ACBD5: variants seen among roughly 807,000 people sequenced by gnomAD.
The protein encoded by ACBD5 is acyl-CoA-binding domain-containing protein 5.
ACBD5 carries 40 observed loss-of-function variants against 71.8 expected under a neutral mutation model. The ratio of observed to expected loss-of-function variants is 0.56; its 90% CI spans 0.43 to 0.72. The LOEUF is 0.72. Among genes scored for constraint, ACBD5 ranks in the 30% least tolerant of loss-of-function variants. The pLI is 0.00. For synonymous variants in ACBD5, 229 were observed against 218.6 expected (o/e 1.05, Z -0.42); for missense variants, 559 against 644.5 (o/e 0.87, Z 1.44).
chr10:27,216,287 ACAC>A (rs1013977634), intron 7 of ACBD5, among the ~76,000 whole-genome samples: 1 of 151,934 alleles, frequency 6.6e-6, no homozygotes, highest in African/African-American at 2.4e-5. Flanking sequence ...TTACAGGTGC[ACAC>A]CACCAAGCCC....
At position 27,240,605 on chromosome 10, in the gene ACBD5, T is replaced by C. The variant is rs1455806087; in HGVS notation, c.15+69A>G. 16 of 1,550,444 alleles carry C rather than the reference T, an allele frequency of 1.0e-5. No individual in the cohort carries two copies. The Admixed American group carries it at 3.1e-4, about 30-fold the overall frequency. ...GCCACACAGATCGAAGCGGCCCGGC[T>C]CCTTCCTCCTCCCCCGGGGCGTGAC... On this transcript the variant is annotated intron_variant, in intron 1 of 12. Coordinates refer to ENST00000396271, the MANE Select transcript of ACBD5 (RefSeq NM_145698.5). This position sits in a 1 kb window ranked among gnomAD's most constrained non-coding sequence, Gnocchi z 4.1.
intron 12 of ACBD5, among the ~76,000 whole-genome samples, chr10:27,200,894 CA>C (rs1405561194): frequency 1.3e-5 from 2 of 152,072 alleles, no homozygotes; most frequent in Non-Finnish European, 2.9e-5. Context: ...TAATTTAGGC[CA>C]GGCATGGTGG....
chr10:27,192,702 T>G (rs1205954288), downstream of ACBD5, among the ~76,000 whole-genome samples: 10 of 152,194 alleles, frequency 6.6e-5, no homozygotes, highest in Admixed American at 6.5e-4. Flanking sequence ...CTTGGCACAG[T>G]GGCTCACAGC....
Position 27,197,064 on chromosome 10 carries a change from CATT to C in ACBD5, c.*363_*365del. The C allele has an allele frequency of 2.2e-6, 1 of 457,050 alleles. No individual in the cohort carries two copies. Among genetic ancestry groups the C allele is most frequent in the Non-Finnish European group, 4.3e-6 (1 of 233,332 alleles). 28.3% of individuals were successfully genotyped at this position (457,050 alleles called of 1,614,324 possible). On this transcript the variant is annotated 3_prime_UTR_variant, in exon 13 of 13. Coordinates refer to ENST00000396271, the MANE Select transcript of ACBD5 (RefSeq NM_145698.5). ...AAATAATAACTTATAAATTTGATCT[CATT>C]ATCACAATGGTACCTTTGAAAAGCA...
intron 10 of ACBD5, among the ~76,000 whole-genome samples, chr10:27,206,840 C>T (rs965755508): frequency 7.9e-5 from 12 of 151,726 alleles, no homozygotes; most frequent in African/African-American, 2.7e-4. Context: ...TAAACTCTTT[C>T]CTTATACACC....
intron 3 of ACBD5, among the ~76,000 whole-genome samples, chr10:27,232,473 C>CAT (rs1247867481): frequency 6.6e-6 from 1 of 151,840 alleles, no homozygotes; most frequent in African/African-American, 2.4e-5. Flanking sequence ...GGATTACAGG[C>CAT]ATGCACCCCC....
downstream of ACBD5, among the ~76,000 whole-genome samples, chr10:27,193,114 CGTGTGTGTGTGTGTGTGT>C (rs58983291): frequency 0.014 from 1,153 of 80,290 alleles, 19 homozygotes; most frequent in African/African-American, 0.042. Context: ...TTCCTTCCTT[CGTGTGTGTGTGTGTGTGT>C]GTGTGTGTGT....
At chr10:27,223,253 G>T in intron 5 of ACBD5, 85 bp downstream of exon 5, 1 of 1,033,860 alleles carries the variant, frequency 9.7e-7, no homozygotes, top group Non-Finnish European at 1.5e-6. Flanking sequence ...GCGCGTGAAA[G>T]TAAGAAAAAA....
At chr10:27,213,501 A>T (rs1775349) in intron 8 of ACBD5, among the ~76,000 whole-genome samples, 145,289 of 152,256 alleles carry the variant, frequency 0.95, 69,380 homozygotes, top group East Asian at 1. Flanking sequence ...CTCACGCCTG[A>T]AATCCCAGCA....
chr10:27,240,877 G>A, upstream of ACBD5: 6 of 845,106 alleles, frequency 7.1e-6, no homozygotes, highest in Non-Finnish European at 1.1e-5. The surrounding 1 kb of genome is among the most constrained non-coding windows in gnomAD (Gnocchi z 4.1). Flanking sequence ...CAGCAGCAGT[G>A]CAGCAAACCC....
intron 5 of ACBD5, among the ~76,000 whole-genome samples, chr10:27,221,368 T>C (rs974241681): frequency 1.4e-4 from 21 of 152,330 alleles, no homozygotes; most frequent in African/African-American, 5.1e-4. Flanking sequence ...CCCAGATTTT[T>C]AGTTCATATC....
At chr10:27,184,766 G>A (rs1177006505) in intron 13 of ACBD5, among the ~76,000 whole-genome samples, 3 of 151,774 alleles carry the variant, frequency 2.0e-5, no homozygotes, top group Non-Finnish European at 4.4e-5. Context: ...TCACCATGTT[G>A]GCCAGGCTGG....
At chr10:27,231,892 T>C in intron 3 of ACBD5, 72 bp from the exon 4 acceptor site, 2 of 1,390,034 alleles carry the variant, frequency 1.4e-6, no homozygotes, top group East Asian at 2.3e-5. Context: ...AATTTATAGT[T>C]GATGCTATAG....
At chr10:27,238,435 T>C (rs75231071) in intron 2 of ACBD5, among the ~76,000 whole-genome samples, 3,212 of 152,362 alleles carry the variant, frequency 0.021, 105 homozygotes, top group African/African-American at 0.074. Context: ...TATAAAAACG[T>C]GTGCTTTAGA....
At chr10:27,237,495 A>C (rs1193420941) in intron 2 of ACBD5, among the ~76,000 whole-genome samples, 1 of 152,254 alleles carries the variant, frequency 6.6e-6, no homozygotes, top group Admixed American at 6.5e-5. Flanking sequence ...AATGGTTTAA[A>C]AGTAGTATTA....
Position 27,195,810 on chromosome 10 carries a change from G to A in ACBD5, c.*1620C>T, listed in dbSNP as rs1394041080. 3 of 421,200 alleles carry A rather than the reference G, an allele frequency of 7.1e-6. No individual in the cohort carries two copies. Among genetic ancestry groups the A allele is most frequent in the South Asian group, 5.2e-5 (3 of 57,438 alleles). The allele number at this position is 421,200 out of a possible 1,614,324, so 26.1% of individuals were successfully genotyped here. A position where few individuals can be genotyped will look rare whatever the true frequency, so the allele number is the denominator to read the frequency against. The stretch of plus-strand genomic sequence containing the variant: ...TTCTTATACTTTTCAGGCAAACAAA[G>A]AACCATTCTGTATACTAAAGACAGA... On this transcript the variant is annotated 3_prime_UTR_variant, in exon 13 of 13. Transcript: ENST00000396271.
intron 6 of ACBD5, among the ~76,000 whole-genome samples, chr10:27,218,549 A>C (rs1485465409): frequency 6.6e-6 from 1 of 151,824 alleles, no homozygotes; most frequent in Non-Finnish European, 1.5e-5. Context: ...GCTATTTGTC[A>C]TACCTTACTG....
At chr10:27,229,484 C>T (rs2780673) in intron 4 of ACBD5, among the ~76,000 whole-genome samples, 117,415 of 151,484 alleles carry the variant, frequency 0.78, 45,748 homozygotes, top group African/African-American at 0.86. Context: ...CCCAGCTACT[C>T]GGGAGGCTGA....
At chr10:27,205,081 C>T (rs376737891) in intron 11 of ACBD5, 117 bp downstream of exon 11, 11 of 940,678 alleles carry the variant, frequency 1.2e-5, no homozygotes, top group East Asian at 6.4e-5. Flanking sequence ...GAGCTGAGAT[C>T]GCACCACTGC....
Sources: gnomAD v4.1 joint callset for allele counts (sites outside exome capture counted in the v4.1 genomes callset) on GRCh38, gnomAD v4.1.1 for gene constraint, Gnocchi (gnomAD v3.1) non-coding constraint, MANE v1.5 for transcripts, NCBI Gene and HGNC (gene_info 2026-07-23, HGNC 2026-07-21) for gene names.